NRAP: variants seen among roughly 807,000 people sequenced by gnomAD.
The protein encoded by NRAP is nebulin related anchoring protein.
NRAP carries 189 observed loss-of-function variants against 225.9 expected under a neutral mutation model. The observed-to-expected ratio is 0.84, with a 90% CI of 0.74 to 0.94. NRAP has a LOEUF of 0.94. Among genes scored for constraint, NRAP ranks in the 40% least tolerant of loss-of-function variants. The probability of loss-of-function intolerance (pLI) is 0.00; values close to 1 mark genes in which losing one functional copy is unlikely to be tolerated. For synonymous variants in NRAP, 769 were observed against 790.7 expected, an observed-to-expected ratio of 0.97 and a Z score of 0.46; for missense variants, 2,176 against 2,168.7, an observed-to-expected ratio of 1.00 and a Z score of -0.07.
Position 113,597,025 on chromosome 10 carries a change from C to G in NRAP, c.4431+61G>C. On this transcript the variant is annotated intron_variant, in intron 37 of 41. Coordinates refer to ENST00000359988, the MANE Select transcript of NRAP (RefSeq NM_198060.4). ...TGTCCAGAGCCTGTGTTCTTAGACCCGGACCACTGAGCAGCAGTGCTACAC... is the reference window on the plus strand; with the variant it reads ...TGTCCAGAGCCTGTGTTCTTAGACCGGGACCACTGAGCAGCAGTGCTACAC... 7 of 1,124,928 alleles carry G rather than the reference C, an allele frequency of 6.2e-6. No homozygotes were observed. In the South Asian group the frequency reaches 8.7e-5, roughly 14 times the overall value. 69.7% of individuals were successfully genotyped at this position (1,124,928 alleles called of 1,614,324 possible).
chr10:113,655,469 C>T lies in NRAP; in HGVS notation c.361-1344G>A, dbSNP rs1426690183. Among the ~76,000 whole-genome samples, 239 of 99,214 alleles carry T rather than the reference C, an allele frequency of 2.4e-3. 1 individual carries two copies. The highest frequency in any genetic ancestry group is 5.3e-3 in the Middle Eastern group (1 of 190). The allele number at this position is 99,214 out of a possible 152,430, so 65.1% of individuals were successfully genotyped here. ...GTACATCCATTTTTTTTTTTTTTTT[C>T]CCTTGAGACAGAGTCTTGCTCTGTC... On this transcript the variant is annotated intron_variant, in intron 4 of 41. Coordinates refer to ENST00000359988, the MANE Select transcript of NRAP (RefSeq NM_198060.4).
In NRAP at chr10:113,604,817, A is replaced by G. The variant is rs779096544; in HGVS notation, c.4019T>C (p.Leu1340Pro). 8 of 1,614,164 alleles carry G rather than the reference A, an allele frequency of 5.0e-6. No homozygotes were observed. Among genetic ancestry groups the G allele is most frequent in the Middle Eastern group, 1.6e-4 (1 of 6,062 alleles). ...CCTCCTGTACTGAAGCTCGCTCTGCAGCTGGCCCATGCGCCGGCAGTGCTG... is the reference window on the plus strand; with the variant it reads ...CCTCCTGTACTGAAGCTCGCTCTGCGGCTGGCCCATGCGCCGGCAGTGCTG... ...RIQHCRRMGQ[L>P]QSELQYRRGA... Residue 1340 changes from leucine (L) to proline (P), a missense_variant, in exon 35 of 42, where the codon CTG becomes CCG. By Grantham distance (98) the Leu-to-Pro change is moderately conservative. Coordinates refer to ENST00000359988, the MANE Select transcript of NRAP (RefSeq NM_198060.4).
chr10:113,645,084 G>T (rs756020938), intron 11 of NRAP, among the ~76,000 whole-genome samples: 5 of 152,162 alleles, frequency 3.3e-5, no homozygotes, highest in Non-Finnish European at 5.9e-5. Context: ...CAGCATGTAA[G>T]GTAAGGGAAA....
chr10:113,655,790 T>A (rs9420146), intron 4 of NRAP, among the ~76,000 whole-genome samples: 83,689 of 152,078 alleles, frequency 0.55, 24,338 homozygotes, highest in East Asian at 0.7. Context: ...GATACACCCA[T>A]TCACGATAGC....
In NRAP at chr10:113,654,143, G is replaced by A; in HGVS notation, c.361-18C>T. The A allele has an allele frequency of 1.4e-6, 2 of 1,444,678 alleles. No individual in the cohort carries two copies. Among genetic ancestry groups the A allele is most frequent in the Non-Finnish European group, 1.9e-6 (2 of 1,026,348 alleles). The allele number at this position is 1,444,678 out of a possible 1,614,324, so 89.5% of individuals were successfully genotyped here. A position where few individuals can be genotyped will look rare whatever the true frequency, so the allele number is the denominator to read the frequency against. On this transcript the variant is annotated intron_variant, in intron 4 of 41. Transcript: ENST00000359988. ...TAGGCTCTCTACAAAGGAAGCACATGAAGGGATACAAACACATGCCCCAGA... is the reference window on the plus strand; with the variant it reads ...TAGGCTCTCTACAAAGGAAGCACATAAAGGGATACAAACACATGCCCCAGA...
At chr10:113,630,927 A>G (rs3121458) in intron 18 of NRAP, among the ~76,000 whole-genome samples, 43,431 of 152,122 alleles carry the variant, frequency 0.29, 6,445 homozygotes, top group Admixed American at 0.36. Context: ...AGACTTGATT[A>G]GAAACTGGGT....
At chr10:113,635,299 C>A (rs1044886867) in intron 14 of NRAP, among the ~76,000 whole-genome samples, 7 of 152,076 alleles carry the variant, frequency 4.6e-5, no homozygotes, top group Non-Finnish European at 7.4e-5. Context: ...GGATAGTAGG[C>A]GATAAGGCGT....
At chr10:113,651,055 T>C (rs966661115) in intron 7 of NRAP, among the ~76,000 whole-genome samples, 38 of 152,240 alleles carry the variant, frequency 2.5e-4, no homozygotes, top group Non-Finnish European at 4.4e-5. Flanking sequence ...CTCTAATTTG[T>C]AGTGGCAAGA....
chr10:113,621,852 A>G lies in NRAP; in HGVS notation c.2769+17T>C, dbSNP rs764869432. On this transcript the variant is annotated intron_variant, in intron 24 of 41. Transcript: ENST00000359988. ...CACACATACACACACAAGTGCACAC[A>G]CTCACACAGAGCTTACATCACTCTG... is the stretch of plus-strand genomic sequence containing the variant. The G allele has an allele frequency of 6.3e-7, 1 of 1,592,630 alleles. No homozygotes were observed. The highest frequency in any genetic ancestry group is 1.3e-5 in the African/African-American group (1 of 74,658).
rs756309685 is a variant in NRAP at position 113,604,940 on chromosome 10, G to A, written c.3916-20C>T. The A allele has an allele frequency of 8.1e-5, 129 of 1,600,804 alleles. 2 individuals are homozygous for A. In the South Asian group the frequency reaches 1.1e-3, roughly 13 times the overall value. ...GAGAAACTGCAAGAAAGGGCTGGCC[G>A]GTCAAATTCTATCTGTGCGTTTTCA... On this transcript the variant is annotated intron_variant, in intron 34 of 41. Coordinates refer to ENST00000359988, the MANE Select transcript of NRAP (RefSeq NM_198060.4).
intron 4 of NRAP, among the ~76,000 whole-genome samples, chr10:113,657,122 C>A (rs1346531405): frequency 6.6e-6 from 1 of 151,938 alleles, no homozygotes; most frequent in Non-Finnish European, 1.5e-5. Context: ...CCTTGGGAGG[C>A]CTCGTAAAGG....
At chr10:113,659,524 G>A (rs1440913222) in intron 3 of NRAP, among the ~76,000 whole-genome samples, 5 of 152,180 alleles carry the variant, frequency 3.3e-5, no homozygotes, top group Non-Finnish European at 7.3e-5. Flanking sequence ...ATCTACCACT[G>A]GGGAGGGTTT....
At chr10:113,631,097 T>C (rs1004871839) in intron 18 of NRAP, among the ~76,000 whole-genome samples, 2 of 152,160 alleles carry the variant, frequency 1.3e-5, no homozygotes, top group African/African-American at 4.8e-5. Flanking sequence ...ACCATAAGTG[T>C]TGTAACCACA....
Position 113,629,802 on chromosome 10 carries a change from C to T in NRAP, c.1843-17G>A. On this transcript the variant is annotated splice_polypyrimidine_tract_variant and intron_variant, in intron 18 of 41. Transcript: ENST00000359988. ...ATATTCAACCTTGAATATACCAAAA[C>T]AAGGCCCGTTTTGTTAGTTGAAGCC... 6.3e-7 allele frequency: 1 copy of T among 1,579,396 alleles called. No homozygotes were observed. Among genetic ancestry groups the T allele is most frequent in the African/African-American group, 1.3e-5 (1 of 74,340 alleles).
rs575242347 is a variant in NRAP, at chr10:113,629,062, A to G, written c.2041-41T>C. ...CACAAAGCTCTCATTGGGCGCATGGATAGAGACAGGACAAAGTTGATGGGA... is the reference window on the plus strand; with the variant it reads ...CACAAAGCTCTCATTGGGCGCATGGGTAGAGACAGGACAAAGTTGATGGGA... On this transcript the variant is annotated intron_variant, in intron 19 of 41. Coordinates refer to ENST00000359988, the MANE Select transcript of NRAP (RefSeq NM_198060.4). 1.4e-5 allele frequency: 19 copies of G among 1,395,984 alleles called. No individual in the cohort carries two copies. In the African/African-American group the frequency reaches 2.5e-4, roughly 19 times the overall value. 86.5% of individuals were successfully genotyped at this position (1,395,984 alleles called of 1,614,324 possible). A position where few individuals can be genotyped will look rare whatever the true frequency, so the allele number is the denominator to read the frequency against.
chr10:113,600,159 C>CTCTCTCTCTA (rs2133866868), intron 35 of NRAP, among the ~76,000 whole-genome samples: 1 of 86,658 alleles, frequency 1.2e-5, no homozygotes, highest in Admixed American at 1.0e-4. Flanking sequence ...GTTATATTCT[C>CTCTCTCTCTA]TCTCTCTCTC....
At chr10:113,597,009 C>A (rs1846318983) in intron 37 of NRAP, 77 bp downstream of exon 37, 4 of 940,080 alleles carry the variant, frequency 4.3e-6, no homozygotes, top group Non-Finnish European at 7.0e-6. Flanking sequence ...CTGTCCAGAG[C>A]CTGTGTTCTT....
chr10:113,634,156 G>A lies in NRAP; in HGVS notation c.1483C>T (p.Pro495Ser). 6.2e-7 allele frequency: 1 copy of A among 1,613,802 alleles called. No homozygotes were observed. The highest frequency in any genetic ancestry group is 2.2e-5 in the East Asian group (1 of 44,890). The part of the protein sequence containing the change: ...KLKYSSVTDT[P>S]QIVQAKINAQ... ...TTGATTTTGGCTTGAACAATCTGTG[G>A]GGTGTCAGTCACCGAGCTGTACTTC... is the stretch of plus-strand genomic sequence containing the variant. Residue 495 changes from proline to serine, a missense_variant, in exon 15 of 42, where the codon CCA becomes TCA. By Grantham distance (74) the Pro-to-Ser change is moderately conservative (BLOSUM62 -1). This residue lies in a region of NRAP where 1,708 missense variants were observed against 1,695.5 expected (regional missense o/e 1.01). Transcript: ENST00000359988.
chr10:113,595,138 A>G (rs1047697933), intron 38 of NRAP, among the ~76,000 whole-genome samples: 1 of 152,234 alleles, frequency 6.6e-6, no homozygotes, highest in Non-Finnish European at 1.5e-5. Flanking sequence ...TGGAGGCCAC[A>G]GTCCCATGCA....
Sources: allele counts gnomAD v4.1 joint callset (sites outside exome capture counted in the v4.1 genomes callset), GRCh38; gene constraint gnomAD v4.1.1; regional missense constraint gnomAD v4.1.1; transcripts MANE v1.5; gene names NCBI Gene and HGNC (gene_info 2026-07-23, HGNC 2026-07-21).